The following FRMD4A variants were observed in gnomAD, a reference collection of about 807,000 sequenced individuals.
The protein encoded by FRMD4A is FERM domain-containing protein 4A.
A neutral mutation model predicts 129.1 loss-of-function variants in FRMD4A; 29 were observed. The ratio of observed to expected loss-of-function variants is 0.22; its 90% CI spans 0.17 to 0.31. The LOEUF (loss-of-function observed/expected upper bound fraction) is 0.31. Among genes scored for constraint, FRMD4A ranks in the 10% least tolerant of loss-of-function variants. FRMD4A has a pLI of 1.00. For missense variants in FRMD4A, 1,272 were observed against 1,375.8 expected, an observed-to-expected ratio of 0.92 and a Z score of 1.19; for synonymous variants, 634 against 571.6, an observed-to-expected ratio of 1.11 and a Z score of -1.56.
chr10:14,073,742 G>A (rs1362314323), intron 2 of FRMD4A, among the ~76,000 whole-genome samples: 2 of 152,120 alleles, frequency 1.3e-5, no homozygotes, highest in Admixed American at 1.3e-4. Flanking sequence ...CTACCCACTG[G>A]TCAAGATGAA....
At chr10:13,651,870 T>A in intron 24 of FRMD4A, 33 bp downstream of exon 24, 2 of 1,056,324 alleles carry the variant, frequency 1.9e-6, no homozygotes, top group African/African-American at 3.1e-5. Context: ...CACAGACTCA[T>A]GGGCAGTAGG....
intron 2 of FRMD4A, among the ~76,000 whole-genome samples, chr10:14,106,707 T>A (rs1191815129): frequency 6.6e-6 from 1 of 152,178 alleles, no homozygotes; most frequent in Admixed American, 6.5e-5. Context: ...CCAAAGTGAC[T>A]GGTAATCATT....
At chr10:14,322,678 A>G (rs1843107540) in intron 2 of FRMD4A, among the ~76,000 whole-genome samples, 1 of 152,224 alleles carries the variant, frequency 6.6e-6, no homozygotes, top group African/African-American at 2.4e-5. Context: ...GTTGCAGGCC[A>G]GTGTTTCCTT....
chr10:13,863,673 A>G (rs1230851908), intron 2 of FRMD4A, among the ~76,000 whole-genome samples: 1 of 152,128 alleles, frequency 6.6e-6, no homozygotes, highest in Admixed American at 6.6e-5. Context: ...AAATATATAT[A>G]TAGGAGTAGA....
chr10:13,766,634 C>T (rs1045819861), intron 6 of FRMD4A, among the ~76,000 whole-genome samples: 1 of 152,144 alleles, frequency 6.6e-6, no homozygotes, highest in African/African-American at 2.4e-5. Flanking sequence ...AGAGTCTTTG[C>T]CCAATTCCCC....
At chr10:14,185,493 C>A (rs573843168) in intron 2 of FRMD4A, among the ~76,000 whole-genome samples, 1 of 152,108 alleles carries the variant, frequency 6.6e-6, no homozygotes, top group South Asian at 2.1e-4. Flanking sequence ...TGTAATTTTT[C>A]TAACTTCAAG....
intron 2 of FRMD4A, among the ~76,000 whole-genome samples, chr10:13,876,142 C>T (rs2094487150): frequency 6.6e-6 from 1 of 152,228 alleles, no homozygotes; most frequent in African/African-American, 2.4e-5. Context: ...GATTACAGAA[C>T]TCAGGGACAG....
chr10:14,230,195 T>A (rs1213467636), intron 2 of FRMD4A, among the ~76,000 whole-genome samples: 4 of 152,188 alleles, frequency 2.6e-5, no homozygotes, highest in Non-Finnish European at 5.9e-5. Flanking sequence ...ATTTCCCAAA[T>A]CAGAAATGTG....
At chr10:14,115,107 A>AG (rs1203392991) in intron 2 of FRMD4A, among the ~76,000 whole-genome samples, 4 of 152,230 alleles carry the variant, frequency 2.6e-5, no homozygotes, top group Non-Finnish European at 4.4e-5. Context: ...CTGTGTTCTA[A>AG]GGAGACCAAA....
intron 5 of FRMD4A, among the ~76,000 whole-genome samples, chr10:13,784,288 T>A (rs1263932786): frequency 6.6e-6 from 1 of 152,198 alleles, no homozygotes; most frequent in Non-Finnish European, 1.5e-5. Context: ...GGCAGTCACA[T>A]CATCCTGCTG....
intron 2 of FRMD4A, among the ~76,000 whole-genome samples, chr10:13,984,925 T>TG (rs1157959335): frequency 1.3e-5 from 2 of 152,238 alleles, no homozygotes; most frequent in African/African-American, 4.8e-5. Context: ...GTGTGTAATT[T>TG]GGGGGAAGCT....
At chr10:14,316,796 C>G (rs1846758328) in intron 2 of FRMD4A, among the ~76,000 whole-genome samples, 1 of 152,184 alleles carries the variant, frequency 6.6e-6, no homozygotes, top group African/African-American at 2.4e-5. Context: ...CTAGTGGTAA[C>G]AGGGGATGGG....
intron 2 of FRMD4A, among the ~76,000 whole-genome samples, chr10:14,142,533 T>G (rs1839887672): frequency 1.3e-5 from 2 of 152,224 alleles, no homozygotes; most frequent in African/African-American, 4.8e-5. Flanking sequence ...CTCTAAGACA[T>G]GGATTTGAAA....
chr10:13,892,001 G>T (rs1238159060), intron 2 of FRMD4A, among the ~76,000 whole-genome samples: 2 of 150,174 alleles, frequency 1.3e-5, no homozygotes, highest in Non-Finnish European at 3.0e-5. Context: ...CCCGCCGCCC[G>T]ATCCTGGACA....
chr10:13,966,970 T>C (rs768386514), intron 2 of FRMD4A, among the ~76,000 whole-genome samples: 1 of 152,226 alleles, frequency 6.6e-6, no homozygotes, highest in African/African-American at 2.4e-5. Flanking sequence ...GAAGTAACTC[T>C]GGAATGGAAA....
intron 20 of FRMD4A, among the ~76,000 whole-genome samples, chr10:13,659,941 G>A (rs1450151951): frequency 1.3e-5 from 2 of 152,152 alleles, no homozygotes; most frequent in African/African-American, 4.8e-5. Context: ...CTGCTTGGCT[G>A]GAGAATTCTG....
intron 2 of FRMD4A, among the ~76,000 whole-genome samples, chr10:14,030,394 A>T (rs544605779): frequency 2.0e-5 from 3 of 152,384 alleles, no homozygotes; most frequent in Admixed American, 2.0e-4. Flanking sequence ...CATACACCTT[A>T]AATACATACA....
At chr10:13,768,404 T>C (rs1035079648) in intron 6 of FRMD4A, among the ~76,000 whole-genome samples, 1 of 152,120 alleles carries the variant, frequency 6.6e-6, no homozygotes, top group Non-Finnish European at 1.5e-5. Context: ...AGAATCTTAA[T>C]GACAAGCAGC....
intron 2 of FRMD4A, among the ~76,000 whole-genome samples, chr10:14,052,393 G>C (rs1834302342): frequency 6.6e-6 from 1 of 152,220 alleles, no homozygotes; most frequent in Admixed American, 6.5e-5. Context: ...ATAAAGAAAA[G>C]AGGTTTATTT....
Sources: gnomAD v4.1 joint callset for allele counts (sites outside exome capture counted in the v4.1 genomes callset) on GRCh38, gnomAD v4.1.1 for gene constraint, MANE v1.5 for transcripts, NCBI Gene and HGNC (gene_info 2026-07-23, HGNC 2026-07-21) for gene names.